PTPRD: variants seen among roughly 807,000 people sequenced by gnomAD.
PTPRD encodes the protein protein tyrosine phosphatase receptor type D.
In PTPRD, 34 loss-of-function variants were observed where a neutral mutation model predicts 214.5. The observed-to-expected ratio is 0.16, with a 90% CI of 0.12 to 0.21. The LOEUF (loss-of-function observed/expected upper bound fraction) is 0.21. PTPRD is among the 10% of genes least tolerant of loss of function. The probability of loss-of-function intolerance (pLI) is 1.00; values close to 1 mark genes in which losing one functional copy is unlikely to be tolerated. For synonymous variants in PTPRD, 1,128 were observed against 845.7 expected, an observed-to-expected ratio of 1.33 and a Z score of -5.79; for missense variants, 2,545 against 2,398.7, an observed-to-expected ratio of 1.06 and a Z score of -1.27.
chr9:9,423,704 T>C (rs3949639), intron 8 of PTPRD, among the ~76,000 whole-genome samples: 122,560 of 152,084 alleles, frequency 0.81, 49,508 homozygotes, highest in Non-Finnish European at 0.81. Flanking sequence ...CAAACAAAAA[T>C]TCTAAAATGC....
rs1175875551 is a variant in PTPRD, at chr9:9,653,348, C to CAAAAA, written c.-286-78572_-286-78568dup. ...TGGGCGACAGAGCGAGACTCCGTCT[C>CAAAAA]AAAAAAAAAAAAAAAAAAAAAAAAA... is the stretch of plus-strand genomic sequence containing the variant. On this transcript the variant is annotated intron_variant, in intron 7 of 45. Transcript: ENST00000381196. 9.5e-4 allele frequency among the ~76,000 whole-genome samples: 31 copies of CAAAAA among 32,504 alleles called. 9 individuals are homozygous for CAAAAA. The highest frequency in any genetic ancestry group is 7.0e-3 in the East Asian group (2 of 286). 21.3% of individuals were successfully genotyped at this position (32,504 alleles called of 152,430 possible). A position where few individuals can be genotyped will look rare whatever the true frequency, so the allele number is the denominator to read the frequency against.
chr9:8,753,938 A>C (rs1269489350), intron 11 of PTPRD, among the ~76,000 whole-genome samples: 1 of 152,160 alleles, frequency 6.6e-6, no homozygotes, highest in African/African-American at 2.4e-5. Flanking sequence ...TGAGGTCAGG[A>C]GTTCAAGACC....
chr9:9,685,118 C>G lies in PTPRD; in HGVS notation c.-287+49415G>C, dbSNP rs548028525. ...AAGTATAAATTTAGGTGTGTAATTTCATCCACATTTTTATTTTTAAGAAAG... is the reference window on the plus strand; with the variant it reads ...AAGTATAAATTTAGGTGTGTAATTTGATCCACATTTTTATTTTTAAGAAAG... On this transcript the variant is annotated intron_variant, in intron 7 of 45. Transcript: ENST00000381196. Among the ~76,000 whole-genome samples the G allele has an allele frequency of 5.9e-5, 9 of 151,512 alleles. No homozygotes were observed. The South Asian group carries it at 1.9e-3, about 31-fold the overall frequency.
chr9:9,887,633 A>G (rs1355872596), intron 5 of PTPRD, among the ~76,000 whole-genome samples: 1 of 152,148 alleles, frequency 6.6e-6, no homozygotes, highest in Non-Finnish European at 1.5e-5. Context: ...AAACCTGGAG[A>G]GTCAACTGGT....
intron 14 of PTPRD, among the ~76,000 whole-genome samples, chr9:8,536,216 A>G (rs1369244163): frequency 6.6e-6 from 1 of 151,936 alleles, no homozygotes; most frequent in Non-Finnish European, 1.5e-5. Flanking sequence ...CTTCAAATAA[A>G]TCTTCATCAT....
chr9:9,229,501 C>T (rs535278307), intron 9 of PTPRD, among the ~76,000 whole-genome samples: 3 of 152,194 alleles, frequency 2.0e-5, no homozygotes, highest in Non-Finnish European at 2.9e-5. Context: ...AAAAAAGCAT[C>T]CAATTGGCCA....
At chr9:10,384,135 C>G (rs970045444) in intron 2 of PTPRD, among the ~76,000 whole-genome samples, 1 of 149,486 alleles carries the variant, frequency 6.7e-6, no homozygotes, top group Non-Finnish European at 1.5e-5. Flanking sequence ...TGACTATAGT[C>G]AATAATAATT....
intron 12 of PTPRD, among the ~76,000 whole-genome samples, chr9:8,726,262 T>C (rs1466325933): frequency 2.0e-5 from 3 of 151,898 alleles, no homozygotes; most frequent in Non-Finnish European, 4.4e-5. Flanking sequence ...CAGGAGGGGA[T>C]GGGGCTCCCA....
At chr9:9,238,439 G>T (rs936363067) in intron 9 of PTPRD, among the ~76,000 whole-genome samples, 1 of 152,092 alleles carries the variant, frequency 6.6e-6, no homozygotes, top group African/African-American at 2.4e-5. Context: ...AGGTGTCTGG[G>T]TTTTAACCCT....
At chr9:9,915,014 C>A (rs1395334201) in intron 5 of PTPRD, among the ~76,000 whole-genome samples, 3 of 152,154 alleles carry the variant, frequency 2.0e-5, no homozygotes, top group African/African-American at 7.2e-5. Context: ...CACACATATG[C>A]CCCTGACCTG....
At chr9:8,879,411 A>G (rs2098423111) in intron 11 of PTPRD, among the ~76,000 whole-genome samples, 1 of 152,062 alleles carries the variant, frequency 6.6e-6, no homozygotes, top group Non-Finnish European at 1.5e-5. Flanking sequence ...ACTTTTCTCC[A>G]TGTATTTACT....
At chr9:8,412,654 T>C (rs935539538) in intron 35 of PTPRD, among the ~76,000 whole-genome samples, 13 of 152,200 alleles carry the variant, frequency 8.5e-5, no homozygotes, top group Admixed American at 1.3e-4. Context: ...AGAACATCCC[T>C]GATAGAAGAC....
intron 2 of PTPRD, among the ~76,000 whole-genome samples, chr9:10,466,704 T>C (rs2098996857): frequency 6.7e-6 from 1 of 149,680 alleles, no homozygotes; most frequent in Non-Finnish European, 1.5e-5. Flanking sequence ...ATCAGAAATG[T>C]AAAGCAGAAT....
At chr9:9,424,729 C>T (rs954602759) in intron 8 of PTPRD, among the ~76,000 whole-genome samples, 1 of 152,106 alleles carries the variant, frequency 6.6e-6, no homozygotes, top group Non-Finnish European at 1.5e-5. Flanking sequence ...AATCTACTGA[C>T]AACTGTTAGA....
intron 14 of PTPRD, among the ~76,000 whole-genome samples, chr9:8,568,745 G>A (rs1171915754): frequency 6.6e-6 from 1 of 151,822 alleles, no homozygotes; most frequent in African/African-American, 2.4e-5. Flanking sequence ...TGAGTTTTCT[G>A]CAAGTATTTT....
rs181812964 is a variant in PTPRD, at chr9:9,359,638, G to T, written c.-203+37811C>A. 3.1e-4 allele frequency among the ~76,000 whole-genome samples: 47 copies of T among 151,340 alleles called. No individual in the cohort carries two copies. In the South Asian group the frequency reaches 6.6e-3, roughly 21 times the overall value. On this transcript the variant is annotated intron_variant, in intron 9 of 45. Transcript: ENST00000381196. ...ATGGAGATGTGGTATGAAATCCTGA[G>T]CCCTGTCTACTTTCTGTGGAACTCA... is the stretch of plus-strand genomic sequence containing the variant.
intron 39 of PTPRD, among the ~76,000 whole-genome samples, chr9:8,370,398 G>A (rs1222184813): frequency 6.6e-6 from 1 of 152,032 alleles, no homozygotes; most frequent in African/African-American, 2.4e-5. Context: ...TTGAAATCAG[G>A]ATGAAATGTA....
intron 10 of PTPRD, among the ~76,000 whole-genome samples, chr9:9,097,469 C>T (rs1189140926): frequency 2.0e-5 from 3 of 150,754 alleles, no homozygotes; most frequent in African/African-American, 7.3e-5. Context: ...AATGCAGTGG[C>T]GCAATCTCAG....
intron 42 of PTPRD, 64 bp downstream of exon 42, chr9:8,340,279 A>C: frequency 6.7e-7 from 1 of 1,486,774 alleles, no homozygotes; most frequent in Non-Finnish European, 9.1e-7. Flanking sequence ...TTATTGAAAC[A>C]AAGTCTTCAT....
Sources: allele counts gnomAD v4.1 joint callset (sites outside exome capture counted in the v4.1 genomes callset), GRCh38; gene constraint gnomAD v4.1.1; transcripts MANE v1.5; gene names NCBI Gene and HGNC (gene_info 2026-07-23, HGNC 2026-07-21).